Variants in EIPR1 observed in about 807,000 individuals in gnomAD.
EIPR1 encodes the protein EARP complex and GARP complex interacting protein 1.
Under a neutral mutation model 48.1 loss-of-function variants are expected in EIPR1, and 25 were observed. The observed-to-expected ratio is 0.52, with a 90% confidence interval of 0.38 to 0.73. The LOEUF (loss-of-function observed/expected upper bound fraction) is 0.73, where lower values mean the gene tolerates loss of function less well. Among genes scored for constraint, EIPR1 ranks in the 30% least tolerant of loss-of-function variants. The probability of loss-of-function intolerance (pLI) is 0.00; values close to 1 mark genes in which losing one functional copy is unlikely to be tolerated. For missense variants in EIPR1, 415 were observed against 506.2 expected (o/e 0.82, Z 1.73); for synonymous variants, 204 against 201.9 (o/e 1.01, Z -0.09).
intron 4 of EIPR1, among the ~76,000 whole-genome samples, chr2:3,235,820 C>T (rs762141417): frequency 6.6e-6 from 1 of 152,062 alleles, no homozygotes; most frequent in African/African-American, 2.4e-5. Flanking sequence ...ATTTATTGAC[C>T]CATGTCAGCA....
At chr2:3,211,303 G>A (rs1005279107) in intron 5 of EIPR1, among the ~76,000 whole-genome samples, 3 of 151,268 alleles carry the variant, frequency 2.0e-5, no homozygotes, top group Admixed American at 6.6e-5. Flanking sequence ...TCTGTACCAC[G>A]TCTCTTCCAG....
At chr2:3,191,820 T>C (rs2103101766) in intron 8 of EIPR1, among the ~76,000 whole-genome samples, 1 of 152,224 alleles carries the variant, frequency 6.6e-6, no homozygotes, top group African/African-American at 2.4e-5. Flanking sequence ...TCAAGGTGCA[T>C]AGGAAAAAGC....
intron 3 of EIPR1, chr2:3,300,904 C>T (rs1668745593): frequency 6.6e-6 from 1 of 152,112 alleles, no homozygotes. Flanking sequence ...TCTGTGTGTT[C>T]TTCATTAGGA....
chr2:3,189,368 AC>A lies in EIPR1; in HGVS notation c.1129del (p.Val377CysfsTer5), dbSNP rs1664519947. The stretch of plus-strand genomic sequence containing the variant: ...GATGTGGTACTTCAGGGCCCTGGGC[AC>A]CCTGTTGATCACGAGCCTCCCGTCA... ...SYDGRLVINR[V>X]PRALKYHILL On this transcript the variant is annotated frameshift_variant, in exon 9 of 9. Transcript: ENST00000382125. LOFTEE classifies it high-confidence loss of function. The surrounding 1 kb of genome is among the most constrained non-coding windows in gnomAD (Gnocchi z 4.6). The A allele has an allele frequency of 3.7e-6, 6 of 1,600,740 alleles. No homozygotes were observed. The highest frequency in any genetic ancestry group is 5.1e-6 in the Non-Finnish European group (6 of 1,171,810).
At position 3,287,450 on chromosome 2, in the gene EIPR1, G is replaced by A. The variant is rs537053866; in HGVS notation, c.260-29995C>T. ...AGCTCGTTCACAATCCAGAAAGCGC[G>A]TTCACCACACTCCAGAAAGCTCGTT... On this transcript the variant is annotated intron_variant, in intron 3 of 8. Coordinates refer to ENST00000382125, the MANE Select transcript of EIPR1 (RefSeq NM_003310.5). 9.2e-5 allele frequency among the ~76,000 whole-genome samples: 13 copies of A among 142,056 alleles called. No homozygotes were observed. In the South Asian group the frequency reaches 1.6e-3, roughly 18 times the overall value. 93.2% of individuals were successfully genotyped at this position (142,056 alleles called of 152,430 possible).
At chr2:3,304,813 C>CTCCCATCCAGTTCAGCCCTCCGG (rs1668871177) in intron 3 of EIPR1, among the ~76,000 whole-genome samples, 1 of 105,746 alleles carries the variant, frequency 9.5e-6, no homozygotes, top group Admixed American at 8.8e-5. Context: ...CAGCCCTCCA[C>CTCCCATCCAGTTCAGCCCTCCGG]TCCCGTCCAG....
intron 4 of EIPR1, among the ~76,000 whole-genome samples, chr2:3,243,706 A>G (rs552613890): frequency 6.6e-6 from 1 of 152,266 alleles, no homozygotes; most frequent in African/African-American, 2.4e-5. Flanking sequence ...CAAAACCAGG[A>G]CCATTTATCA....
At chr2:3,210,767 A>G (rs926370164) in intron 5 of EIPR1, among the ~76,000 whole-genome samples, 1 of 151,936 alleles carries the variant, frequency 6.6e-6, no homozygotes, top group African/African-American at 2.4e-5. Flanking sequence ...AGTAGCTGAG[A>G]TTACAGGCAC....
At chr2:3,226,824 G>A (rs973478975) in intron 4 of EIPR1, among the ~76,000 whole-genome samples, 2 of 152,196 alleles carry the variant, frequency 1.3e-5, no homozygotes, top group Non-Finnish European at 2.9e-5. Flanking sequence ...TCTCATGACA[G>A]TGAATAAGTC....
At chr2:3,227,884 G>C (rs1666116357) in intron 4 of EIPR1, among the ~76,000 whole-genome samples, 1 of 152,216 alleles carries the variant, frequency 6.6e-6, no homozygotes. Flanking sequence ...CGAGCCCGTG[G>C]GTGAAAAGAA....
At chr2:3,324,863 G>C (rs576884788) in intron 3 of EIPR1, among the ~76,000 whole-genome samples, 1 of 152,348 alleles carries the variant, frequency 6.6e-6, no homozygotes, top group Non-Finnish European at 1.5e-5. Context: ...ACCCTCACCA[G>C]GCTGGGGTCA....
chr2:3,248,767 T>TA (rs919015210), intron 4 of EIPR1, among the ~76,000 whole-genome samples: 42 of 151,938 alleles, frequency 2.8e-4, no homozygotes, highest in African/African-American at 7.5e-4. Context: ...TGAGACTGTC[T>TA]AAAAAAAAGA....
At chr2:3,204,834 A>C (rs2103120751) in intron 5 of EIPR1, among the ~76,000 whole-genome samples, 1 of 152,304 alleles carries the variant, frequency 6.6e-6, no homozygotes, top group Admixed American at 6.5e-5. Flanking sequence ...CTGCGCTCAC[A>C]GCAGACCCTA....
intron 2 of EIPR1, among the ~76,000 whole-genome samples, chr2:3,348,043 C>T (rs1342503862): frequency 6.6e-6 from 1 of 152,178 alleles, no homozygotes; most frequent in Non-Finnish European, 1.5e-5. Context: ...TGATTCTGAG[C>T]ACAGGTGAGA....
chr2:3,345,638 AAAAAGT>A (rs1670376825), intron 2 of EIPR1, among the ~76,000 whole-genome samples: 1 of 151,930 alleles, frequency 6.6e-6, no homozygotes, highest in Non-Finnish European at 1.5e-5. Flanking sequence ...AAAAAAAAAG[AAAAAGT>A]AAGAAAAATA....
chr2:3,247,990 T>C (rs759540821), intron 4 of EIPR1, among the ~76,000 whole-genome samples: 1 of 151,996 alleles, frequency 6.6e-6, no homozygotes, highest in Non-Finnish European at 1.5e-5. Context: ...GAGATGTTTG[T>C]CCCCTCCACA....
intron 4 of EIPR1, among the ~76,000 whole-genome samples, chr2:3,256,488 G>A (rs1173360979): frequency 1.3e-5 from 2 of 152,126 alleles, no homozygotes; most frequent in East Asian, 3.8e-4. Flanking sequence ...TCTGTAGCAG[G>A]TATTTAATAA....
intron 4 of EIPR1, among the ~76,000 whole-genome samples, chr2:3,232,847 G>A (rs763865960): frequency 4.6e-5 from 7 of 152,126 alleles, no homozygotes; most frequent in Non-Finnish European, 1.0e-4. Flanking sequence ...CAACCACCCT[G>A]AAAAGCACAT....
At chr2:3,265,968 A>G (rs975324045) in intron 3 of EIPR1, among the ~76,000 whole-genome samples, 2 of 152,208 alleles carry the variant, frequency 1.3e-5, no homozygotes, top group Non-Finnish European at 2.9e-5. Context: ...ATTTGAAGCC[A>G]CTACCTACTT....
Sources: gnomAD v4.1 joint callset for allele counts (sites outside exome capture counted in the v4.1 genomes callset) on GRCh38, gnomAD v4.1.1 for gene constraint, Gnocchi (gnomAD v3.1) non-coding constraint, MANE v1.5 for transcripts, NCBI Gene and HGNC (gene_info 2026-07-23, HGNC 2026-07-21) for gene names.